CNTN4: variants seen among roughly 807,000 people sequenced by gnomAD.
The protein encoded by CNTN4 is contactin 4, also known as contactin-4.
Under a neutral mutation model 122.5 loss-of-function variants are expected in CNTN4, and 77 were observed. The ratio of observed to expected loss-of-function variants is 0.63; its 90% CI spans 0.52 to 0.76. CNTN4 has a LOEUF of 0.76. Ranked by LOEUF, CNTN4 falls within the 30% of genes least tolerant of loss-of-function variation. The pLI is 0.00. For synonymous variants in CNTN4, 512 were observed against 447.0 expected, an observed-to-expected ratio of 1.15 and a Z score of -1.83; for missense variants, 1,256 against 1,259.1, an observed-to-expected ratio of 1.00 and a Z score of 0.04.
intron 9 of CNTN4, among the ~76,000 whole-genome samples, chr3:2,884,267 C>T (rs993458203): frequency 4.6e-5 from 7 of 152,054 alleles, no homozygotes; most frequent in Non-Finnish European, 8.8e-5. Context: ...CTTATATCAG[C>T]GTGTAATCTC....
intron 3 of CNTN4, among the ~76,000 whole-genome samples, chr3:2,550,482 A>G (rs1222456700): frequency 1.3e-5 from 2 of 152,184 alleles, no homozygotes; most frequent in Non-Finnish European, 2.9e-5. Context: ...AGAAATAGGA[A>G]TGCTTTTACA....
At chr3:2,924,949 A>G (rs1401366168) in intron 12 of CNTN4, among the ~76,000 whole-genome samples, 2 of 152,242 alleles carry the variant, frequency 1.3e-5, no homozygotes, top group African/African-American at 4.8e-5. Flanking sequence ...ATTAAAAAAA[A>G]AAATCTTATG....
Position 2,709,508 on chromosome 3 carries a change from G to T in CNTN4, c.56-26707G>T, listed in dbSNP as rs145552769. Reference sequence around the variant, plus strand: ...CCCCGCAATTACAGGGTTTTATATCGTTTGCCTCAGGCTAAAGATTTATGC... The same window carrying T: ...CCCCGCAATTACAGGGTTTTATATCTTTTGCCTCAGGCTAAAGATTTATGC... On this transcript the variant is annotated intron_variant, in intron 4 of 24. Coordinates refer to ENST00000418658, the MANE Select transcript of CNTN4 (RefSeq NM_175607.3). This position sits in a 1 kb window ranked among gnomAD's most constrained non-coding sequence, Gnocchi z 5.0. Among the ~76,000 whole-genome samples, 1,126 of 152,226 alleles carry T rather than the reference G, an allele frequency of 7.4e-3. 13 individuals are homozygous for T. Among genetic ancestry groups the T allele is most frequent in the South Asian group, 0.024 (116 of 4,824 alleles).
At chr3:2,671,119 C>T (rs547822497) in intron 4 of CNTN4, among the ~76,000 whole-genome samples, 1,599 of 152,216 alleles carry the variant, frequency 0.011, 31 homozygotes, top group African/African-American at 0.037. Flanking sequence ...CTCTGTATTT[C>T]CTGAATTTGA....
intron 4 of CNTN4, among the ~76,000 whole-genome samples, chr3:2,670,511 A>G (rs1421687408): frequency 6.6e-6 from 1 of 151,906 alleles, no homozygotes; most frequent in East Asian, 1.9e-4. Context: ...TGGGTTTCCT[A>G]AATATAGCAC....
chr3:2,882,505 A>G (rs1206205071), intron 8 of CNTN4, among the ~76,000 whole-genome samples: 2 of 152,242 alleles, frequency 1.3e-5, no homozygotes, highest in African/African-American at 2.4e-5. Context: ...GTGGGAGAAT[A>G]TGACCCTCCA....
At chr3:2,373,891 G>A (rs564789709) in intron 3 of CNTN4, among the ~76,000 whole-genome samples, 107 of 152,204 alleles carry the variant, frequency 7.0e-4, no homozygotes, top group African/African-American at 1.1e-3. Flanking sequence ...GCAACAGCAC[G>A]GAATGGCATT....
At chr3:3,047,417 A>G (rs1700774457) in intron 23 of CNTN4, among the ~76,000 whole-genome samples, 1 of 152,232 alleles carries the variant, frequency 6.6e-6, no homozygotes, top group Non-Finnish European at 1.5e-5. Context: ...TAGAAATTAC[A>G]ACAAACTGTC....
Position 2,551,433 on chromosome 3 carries a change from G to A in CNTN4, c.-88-19983G>A, listed in dbSNP as rs190880079. 6.6e-5 allele frequency among the ~76,000 whole-genome samples: 10 copies of A among 152,146 alleles called. No homozygotes were observed. The East Asian group carries it at 1.4e-3, about 21-fold the overall frequency. On this transcript the variant is annotated intron_variant, in intron 3 of 24. Transcript: ENST00000418658. ...ACAAATACACACAAGATTTTCTTAC[G>A]TTTATCCACATGATAATGGATCAAG... is the stretch of plus-strand genomic sequence containing the variant.
chr3:2,492,637 A>G (rs554061031), intron 3 of CNTN4, among the ~76,000 whole-genome samples: 2 of 152,308 alleles, frequency 1.3e-5, no homozygotes, highest in African/African-American at 4.8e-5. Flanking sequence ...ATAATTGGGA[A>G]GAAAATTCTT....
At chr3:2,405,712 G>A (rs913991307) in intron 3 of CNTN4, among the ~76,000 whole-genome samples, 2 of 152,026 alleles carry the variant, frequency 1.3e-5, no homozygotes, top group Non-Finnish European at 2.9e-5. Context: ...AAAAGAAATT[G>A]AACACCATCA....
chr3:2,779,073 A>G (rs1194761422), intron 6 of CNTN4, among the ~76,000 whole-genome samples: 2 of 152,192 alleles, frequency 1.3e-5, no homozygotes, highest in Admixed American at 6.5e-5. Flanking sequence ...TAATTGTTTT[A>G]TATATAGCTG....
At chr3:2,416,443 T>C (rs976972365) in intron 3 of CNTN4, among the ~76,000 whole-genome samples, 1 of 152,166 alleles carries the variant, frequency 6.6e-6, no homozygotes, top group South Asian at 2.1e-4. Flanking sequence ...AAATGAAAAT[T>C]GGGAGGTAAT....
intron 23 of CNTN4, among the ~76,000 whole-genome samples, chr3:3,047,215 C>T (rs1015483760): frequency 1.5e-4 from 23 of 151,990 alleles, no homozygotes; most frequent in African/African-American, 4.6e-4. Flanking sequence ...TCAGACAGAT[C>T]AACGAGACAG....
At chr3:2,346,548 T>G (rs1440447460) in intron 3 of CNTN4, among the ~76,000 whole-genome samples, 2 of 152,166 alleles carry the variant, frequency 1.3e-5, no homozygotes, top group Non-Finnish European at 1.5e-5. Context: ...AATTTTTTTG[T>G]ATCACTAAAT....
chr3:2,303,289 T>C (rs2042589119), intron 2 of CNTN4, among the ~76,000 whole-genome samples: 1 of 152,192 alleles, frequency 6.6e-6, no homozygotes, highest in Non-Finnish European at 1.5e-5. Flanking sequence ...ATAATAATTA[T>C]AATACTAATT....
At chr3:2,292,024 C>A (rs903643426) in intron 2 of CNTN4, among the ~76,000 whole-genome samples, 1 of 152,190 alleles carries the variant, frequency 6.6e-6, no homozygotes, top group Admixed American at 6.5e-5. Flanking sequence ...GCGTGAGCCA[C>A]CGCGCCTGGC....
chr3:2,723,809 G>A (rs1284097062), intron 4 of CNTN4, among the ~76,000 whole-genome samples: 4 of 152,154 alleles, frequency 2.6e-5, no homozygotes, highest in African/African-American at 4.8e-5. Context: ...GAGAGCAGTT[G>A]CCGTAGTGTA....
intron 3 of CNTN4, among the ~76,000 whole-genome samples, chr3:2,507,135 G>A (rs559141523): frequency 6.6e-6 from 1 of 152,246 alleles, no homozygotes; most frequent in Non-Finnish European, 1.5e-5. Context: ...ACTTAGTCGG[G>A]TTTTAATCTC....
Sources: gnomAD v4.1 joint callset for allele counts (sites outside exome capture counted in the v4.1 genomes callset) on GRCh38, gnomAD v4.1.1 for gene constraint, Gnocchi (gnomAD v3.1) non-coding constraint, MANE v1.5 for transcripts, NCBI Gene and HGNC (gene_info 2026-07-23, HGNC 2026-07-21) for gene names.